Variants in ZNF609 observed in about 807,000 individuals in gnomAD.
ZNF609 encodes zinc finger protein 609.
Under a neutral mutation model 109.5 loss-of-function variants are expected in ZNF609, and 11 were observed. The ratio of observed to expected loss-of-function variants is 0.10; its 90% CI spans 0.06 to 0.17. The LOEUF (loss-of-function observed/expected upper bound fraction) is 0.17. Ranked by LOEUF, ZNF609 falls within the 10% of genes least tolerant of loss-of-function variation. The pLI is 1.00. For synonymous variants in ZNF609, 646 were observed against 662.0 expected (o/e 0.98, Z 0.37); for missense variants, 1,559 against 1,772.4 (o/e 0.88, Z 2.16).
intron 1 of ZNF609, among the ~76,000 whole-genome samples, chr15:64,472,159 C>T (rs1267347380): frequency 2.8e-5 from 4 of 144,288 alleles, no homozygotes; most frequent in Non-Finnish European, 4.6e-5. Flanking sequence ...GTGATCCACC[C>T]GCCTCGGCCT....
In ZNF609 at chr15:64,460,686, GAGAGCC is replaced by G. The variant is rs1022632930; in HGVS notation, c.-273_-268del. 3.5e-5 allele frequency: 5 copies of G among 141,586 alleles called. No individual in the cohort carries two copies. Among genetic ancestry groups the G allele is most frequent in the Admixed American group, 2.2e-4 (3 of 13,864 alleles). The allele number at this position is 141,586 out of a possible 1,614,324, so 8.8% of individuals were successfully genotyped here. Reference sequence around the variant, plus strand: ...GGCGGAGAGGCGCGGGGAGGGGGCAGAGAGCCAGAGCCGGAGCCGGAGCCGGAGCCG... The same window carrying G: ...GGCGGAGAGGCGCGGGGAGGGGGCAGAGAGCCGGAGCCGGAGCCGGAGCCG... On this transcript the variant is annotated 5_prime_UTR_variant, in exon 1 of 10. Transcript: ENST00000326648.
chr15:64,657,145 G>C (rs1230386628), intron 3 of ZNF609, among the ~76,000 whole-genome samples: 1 of 152,036 alleles, frequency 6.6e-6, no homozygotes, highest in East Asian at 1.9e-4. Context: ...TGTAGTCCCA[G>C]CTACTTGGGA....
chr15:64,569,177 A>G (rs1894823765), intron 2 of ZNF609, among the ~76,000 whole-genome samples: 1 of 152,208 alleles, frequency 6.6e-6, no homozygotes, highest in South Asian at 2.1e-4. Flanking sequence ...CATCTAATCT[A>G]AAATAACTTC....
intron 2 of ZNF609, among the ~76,000 whole-genome samples, chr15:64,613,651 AG>A (rs1895751537): frequency 6.6e-6 from 1 of 151,874 alleles, no homozygotes; most frequent in Admixed American, 6.6e-5. Flanking sequence ...GCCGGGTTCA[AG>A]GGATTCTCCT....
At chr15:64,538,054 C>T (rs1894184906) in intron 2 of ZNF609, among the ~76,000 whole-genome samples, 1 of 151,308 alleles carries the variant, frequency 6.6e-6, no homozygotes, top group Non-Finnish European at 1.5e-5. Context: ...TGCGGTGAGC[C>T]GAGATCGCGC....
chr15:64,568,271 T>G (rs1321005853), intron 2 of ZNF609, among the ~76,000 whole-genome samples: 1 of 152,192 alleles, frequency 6.6e-6, no homozygotes, highest in Admixed American at 6.6e-5. Flanking sequence ...AGCAAGTTAT[T>G]TAGCCACTTT....
In ZNF609 at chr15:64,676,002, C is replaced by G. The variant is rs1896805022; in HGVS notation, c.3148C>G (p.Leu1050Val). Reference sequence around the variant, plus strand: ...GCAAAAGCCGTCAATTCCACCAACTCTCACCAAGGCCCCCAGCCTGACAGA... The same window carrying G: ...GCAAAAGCCGTCAATTCCACCAACTGTCACCAAGGCCCCCAGCCTGACAGA... ...WKQKPSIPPT[L>V]TKAPSLTDLV... The change falls in exon 5 of 10, where the codon CTC becomes GTC. Residue 1050 changes from leucine to valine, a missense_variant. By Grantham distance (32) the Leu-to-Val change is conservative. Transcript: ENST00000326648. 6.2e-7 allele frequency: 1 copy of G among 1,614,234 alleles called. No homozygotes were observed. Among genetic ancestry groups the G allele is most frequent in the South Asian group, 1.1e-5 (1 of 91,092 alleles).
chr15:64,676,814 C>A (rs1001849526), intron 5 of ZNF609, among the ~76,000 whole-genome samples: 1 of 143,708 alleles, frequency 7.0e-6, no homozygotes, highest in Non-Finnish European at 1.5e-5. Flanking sequence ...AATGCACTGG[C>A]GCAATCTCAG....
chr15:64,524,718 G>T (rs7172505), intron 2 of ZNF609, among the ~76,000 whole-genome samples: 15,211 of 152,084 alleles, frequency 0.1, 997 homozygotes, highest in African/African-American at 0.19. Context: ...CATCAGGTGA[G>T]GGATATTTGG....
rs918339043 is a variant in ZNF609, at chr15:64,676,134, C to T, written c.3280C>T (p.Pro1094Ser). 2 of 1,614,076 alleles carry T rather than the reference C, an allele frequency of 1.2e-6. No homozygotes were observed. The highest frequency in any genetic ancestry group is 2.2e-5 in the East Asian group (1 of 44,888). The change falls in exon 5 of 10, where the codon CCT (proline) becomes TCT (serine). Residue 1094 changes from proline (P) to serine (S), a missense_variant. Physicochemically the swap from Pro to Ser is moderately conservative, Grantham distance 74. Around this residue, in one of 4 missense-constraint regions of ZNF609, gnomAD observed 1,204 missense variants for 1,314.1 expected, o/e 0.92. Coordinates refer to ENST00000326648, the MANE Select transcript of ZNF609 (RefSeq NM_015042.2). Reference sequence around the variant, plus strand: ...CTCTTCAAAACTCCCGGGCCAGGCCCCTGAAGGCCTTAAAGTGAAGCTGAG... The same window carrying T: ...CTCTTCAAAACTCCCGGGCCAGGCCTCTGAAGGCCTTAAAGTGAAGCTGAG... The part of the protein sequence containing the change: ...DDSSKLPGQA[P>S]EGLKVKLSDA...
chr15:64,566,389 G>A (rs753710447), intron 2 of ZNF609, among the ~76,000 whole-genome samples: 1 of 152,210 alleles, frequency 6.6e-6, no homozygotes, highest in Non-Finnish European at 1.5e-5. Flanking sequence ...AAAGAAGCAA[G>A]CATGACCAGT....
At chr15:64,544,245 C>T (rs1481259816) in intron 2 of ZNF609, among the ~76,000 whole-genome samples, 1 of 152,110 alleles carries the variant, frequency 6.6e-6, no homozygotes, top group Non-Finnish European at 1.5e-5. Context: ...GAGGCTGAGG[C>T]AGGAGAATCG....
chr15:64,507,099 C>A (rs536174205), intron 2 of ZNF609, among the ~76,000 whole-genome samples: 2 of 152,252 alleles, frequency 1.3e-5, no homozygotes, highest in Non-Finnish European at 2.9e-5. Flanking sequence ...TTTCAGACTT[C>A]ATATGAATCG....
chr15:64,508,787 C>T lies in ZNF609; in HGVS notation c.747+8621C>T, dbSNP rs368964605. 3.3e-5 allele frequency among the ~76,000 whole-genome samples: 5 copies of T among 151,378 alleles called. No homozygotes were observed. The East Asian group carries it at 5.8e-4, about 18-fold the overall frequency. Reference sequence around the variant, plus strand: ...CACTGCAGCCTCAACCTCCCATGCTCAAGTGATTCTCCTACCTCACTTCCT... The same window carrying T: ...CACTGCAGCCTCAACCTCCCATGCTTAAGTGATTCTCCTACCTCACTTCCT... On this transcript the variant is annotated intron_variant, in intron 2 of 9. Coordinates refer to ENST00000326648, the MANE Select transcript of ZNF609 (RefSeq NM_015042.2).
intron 1 of ZNF609, among the ~76,000 whole-genome samples, chr15:64,464,043 C>G (rs1328459852): frequency 6.6e-6 from 1 of 152,066 alleles, no homozygotes; most frequent in African/African-American, 2.4e-5. Context: ...CCCCCAACTA[C>G]CCGTCCCAGC....
intron 2 of ZNF609, among the ~76,000 whole-genome samples, chr15:64,583,063 T>C (rs1196312904): frequency 6.6e-6 from 1 of 151,322 alleles, no homozygotes; most frequent in Admixed American, 6.6e-5. Flanking sequence ...GACAAGAGTC[T>C]TGCTCTGTTG....
intron 1 of ZNF609, among the ~76,000 whole-genome samples, chr15:64,496,766 T>C (rs1893487816): frequency 6.6e-6 from 1 of 152,200 alleles, no homozygotes; most frequent in South Asian, 2.1e-4. Flanking sequence ...AACAGGTTAC[T>C]AATTTCTTCA....
At chr15:64,612,627 CTTTTTT>C (rs60895709) in intron 2 of ZNF609, among the ~76,000 whole-genome samples, 1 of 132,280 alleles carries the variant, frequency 7.6e-6, no homozygotes, top group Non-Finnish European at 1.6e-5. Context: ...CCAGGAGCCT[CTTTTTT>C]TTTTTTTTTT....
intron 7 of ZNF609, 112 bp from the exon 8 acceptor site, chr15:64,680,534 C>A: frequency 7.9e-7 from 1 of 1,272,304 alleles, no homozygotes; most frequent in Non-Finnish European, 1.1e-6. Context: ...TTTTAGGGGT[C>A]ATAAGGTGGC....
Sources: allele counts gnomAD v4.1 joint callset (sites outside exome capture counted in the v4.1 genomes callset), GRCh38; gene constraint gnomAD v4.1.1; regional missense constraint gnomAD v4.1.1; transcripts MANE v1.5; gene names NCBI Gene and HGNC (gene_info 2026-07-23, HGNC 2026-07-21).